Variants in DIS3 observed in about 807,000 individuals in gnomAD.
The protein encoded by DIS3 is DIS3 exosome endoribonuclease and 3'-5' exoribonuclease, also known as exosome complex exonuclease RRP44.
A neutral mutation model predicts 113.0 loss-of-function variants in DIS3; 103 were observed. The observed-to-expected ratio is 0.91, with a 90% CI of 0.78 to 1.07. The LOEUF (loss-of-function observed/expected upper bound fraction) is 1.07, where lower values mean the gene tolerates loss of function less well. Ranked by LOEUF, DIS3 falls within the 50% of genes least tolerant of loss-of-function variation. The pLI is 0.00. For missense variants in DIS3, 1,121 were observed against 1,167.1 expected (o/e 0.96, Z 0.58); for synonymous variants, 402 against 394.3 (o/e 1.02, Z -0.23).
Position 72,774,206 on chromosome 13 carries a change from T to C in DIS3, c.988-147A>G, listed in dbSNP as rs553709821. On this transcript the variant is annotated intron_variant, in intron 6 of 20. Transcript: ENST00000377767. ...ACTACAGAATGTTGATGTTTCAACA[T>C]TCTAGACAAGAACATGCATGCCAAA... is the stretch of plus-strand genomic sequence containing the variant. 5.9e-4 allele frequency: 316 copies of C among 537,424 alleles called. 5 individuals are homozygous for C. The highest frequency in any genetic ancestry group is 5.8e-5 in the Non-Finnish European group (18 of 312,116). The allele number at this position is 537,424 out of a possible 1,614,324, so 33.3% of individuals were successfully genotyped here.
Position 72,755,860 on chromosome 13 carries a change from G to A in DIS3, c.*3935C>T, listed in dbSNP as rs1333584292. 7.5e-6 allele frequency: 3 copies of A among 398,404 alleles called. No homozygotes were observed. Among genetic ancestry groups the A allele is most frequent in the African/African-American group, 2.1e-5 (1 of 48,590 alleles). 24.7% of individuals were successfully genotyped at this position (398,404 alleles called of 1,614,324 possible). ...ATTGTTATCTATGGGGCAAATGTGT[G>A]GTGCCCAGAATAAAATATACCTCAT... On this transcript the variant is annotated 3_prime_UTR_variant, in exon 21 of 21. Coordinates refer to ENST00000377767, the MANE Select transcript of DIS3 (RefSeq NM_014953.5).
At position 72,778,299 on chromosome 13, in the gene DIS3, G is replaced by T. The variant is rs1319486155; in HGVS notation, c.468C>A (p.Tyr156Ter). 1.2e-6 allele frequency: 2 copies of T among 1,605,672 alleles called. No individual in the cohort carries two copies. Among genetic ancestry groups the T allele is most frequent in the Non-Finnish European group, 1.7e-6 (2 of 1,173,958 alleles). Reference protein sequence around the residue: ...DRAIRVAAKWYNEHLKKMSAD... With the variant: ...DRAIRVAAKW ...CTGACATTTTTTTCAAATGTTCATTGTACCATTTTGCTGCTACTCGAATCG... is the reference window on the plus strand; with the variant it reads ...CTGACATTTTTTTCAAATGTTCATTTTACCATTTTGCTGCTACTCGAATCG... The change falls in exon 3 of 21, where the codon TAC (tyrosine) becomes TAA (stop). Residue 156 changes from tyrosine to a stop codon, truncating the protein, a stop_gained. Coordinates refer to ENST00000377767, the MANE Select transcript of DIS3 (RefSeq NM_014953.5). LOFTEE classifies it high-confidence loss of function.
At chr13:72,772,042 T>A in intron 10 of DIS3, 117 bp downstream of exon 10, 1 of 1,193,312 alleles carries the variant, frequency 8.4e-7, no homozygotes, top group Middle Eastern at 2.1e-4. Flanking sequence ...GCCAATAGCG[T>A]GCAGCTACAA....
At chr13:72,767,480 A>G (rs1013200799) in intron 14 of DIS3, among the ~76,000 whole-genome samples, 2 of 152,198 alleles carry the variant, frequency 1.3e-5, no homozygotes, top group African/African-American at 4.8e-5. Context: ...GTTTAATAGT[A>G]TCCACTGGGT....
rs772948586 is a variant in DIS3, at chr13:72,777,347, G to T, written c.654+73C>A. On this transcript the variant is annotated intron_variant, in intron 4 of 20. Transcript: ENST00000377767. ...ACCGACATTCCAATTTTTAAATTTG[G>T]TAACTATATGCCTAATATTCCAAAG... 6.8e-5 allele frequency: 97 copies of T among 1,434,440 alleles called. 1 individual carries two copies. The highest frequency in any genetic ancestry group is 3.3e-4 in the Admixed American group (17 of 51,642). 88.9% of individuals were successfully genotyped at this position (1,434,440 alleles called of 1,614,324 possible). A position where few individuals can be genotyped will look rare whatever the true frequency, so the allele number is the denominator to read the frequency against.
chr13:72,761,294 G>A (rs2033616457), intron 19 of DIS3, 69 bp downstream of exon 19: 1 of 1,534,376 alleles, frequency 6.5e-7, no homozygotes, highest in East Asian at 2.3e-5. Context: ...TGCTTTATAG[G>A]TACCATTTAT....
chr13:72,774,424 T>C (rs1171579459), intron 6 of DIS3, among the ~76,000 whole-genome samples: 1 of 152,122 alleles, frequency 6.6e-6, no homozygotes, highest in African/African-American at 2.4e-5. Context: ...TTTGTACAAA[T>C]TAGCTATGTG....
chr13:72,763,446 C>T lies in DIS3; in HGVS notation c.2127+5G>A. 6.2e-7 allele frequency: 1 copy of T among 1,610,626 alleles called. No individual in the cohort carries two copies. The highest frequency in any genetic ancestry group is 8.5e-7 in the Non-Finnish European group (1 of 1,178,908). On this transcript the variant is annotated splice_donor_5th_base_variant and intron_variant, in intron 16 of 20. Coordinates refer to ENST00000377767, the MANE Select transcript of DIS3 (RefSeq NM_014953.5). ...TAGATGATTTTTCAAACTGTAGGAC[C>T]TTACCCTTGACCTGGCTGCCTTAAC...
At chr13:72,780,751 A>C in intron 2 of DIS3, 95 bp downstream of exon 2, 1 of 1,175,536 alleles carries the variant, frequency 8.5e-7, no homozygotes, top group Non-Finnish European at 1.2e-6. Flanking sequence ...TCTATCACTT[A>C]TCTTCTGACA....
At position 72,768,955 on chromosome 13, in the gene DIS3, G is replaced by T. The variant is rs537246510; in HGVS notation, c.1756-43C>A. 1.2e-5 allele frequency: 17 copies of T among 1,411,344 alleles called. No individual in the cohort carries two copies. In the African/African-American group the frequency reaches 1.6e-4, roughly 13 times the overall value. 87.4% of individuals were successfully genotyped at this position (1,411,344 alleles called of 1,614,324 possible). A position where few individuals can be genotyped will look rare whatever the true frequency, so the allele number is the denominator to read the frequency against. On this transcript the variant is annotated intron_variant, in intron 13 of 20. Transcript: ENST00000377767. ...TGTTATATAATTCTTATAAATGATA[G>T]AAAAATGGTTTTCAATATGTCCTCC...
At chr13:72,762,933 G>C (rs1355945676) in intron 16 of DIS3, among the ~76,000 whole-genome samples, 6 of 152,164 alleles carry the variant, frequency 3.9e-5, no homozygotes, top group Admixed American at 1.3e-4. Flanking sequence ...ACATGGAAGA[G>C]TTTTATATGA....
chr13:72,776,225 C>A, intron 4 of DIS3, 133 bp from the exon 5 acceptor site: 1 of 851,728 alleles, frequency 1.2e-6, no homozygotes, highest in South Asian at 2.7e-5. Flanking sequence ...GAGAAGATAG[C>A]AGTGTTTCTT....
rs769194741 is a variant in DIS3, at chr13:72,770,903, C to A, written c.1755+1G>T. ...TAGAGATTAATAGCCATGAAACGAA[C>A]CTTTGAATTAATAACACTTTTGGTA... is the stretch of plus-strand genomic sequence containing the variant. On this transcript the variant is annotated splice_donor_variant, in intron 13 of 20. Transcript: ENST00000377767. LOFTEE classifies it high-confidence loss of function. 1.3e-5 allele frequency: 20 copies of A among 1,590,544 alleles called. No individual in the cohort carries two copies. The highest frequency in any genetic ancestry group is 1.7e-5 in the Non-Finnish European group (20 of 1,167,244).
chr13:72,768,855 C>T lies in DIS3; in HGVS notation c.1813G>A (p.Asp605Asn), dbSNP rs1159811001. 1.2e-6 allele frequency: 2 copies of T among 1,607,676 alleles called. No homozygotes were observed. The highest frequency in any genetic ancestry group is 1.7e-5 in the Admixed American group (1 of 59,952). ...LRIDSANMND[D>N]ITTSLRGLNK... The stretch of plus-strand genomic sequence containing the variant: ...AGTCCACGGAGACTAGTGGTAATAT[C>T]ATCATTCATGTTTGCTGAATCAATT... The change falls in exon 14 of 21, where the codon GAT becomes AAT. Residue 605 changes from aspartate (D) to asparagine (N), a missense_variant. Physicochemically the swap from Asp to Asn is conservative, Grantham distance 23. Transcript: ENST00000377767.
chr13:72,780,333 A>AG (rs1473537640), intron 2 of DIS3, among the ~76,000 whole-genome samples: 1 of 150,714 alleles, frequency 6.6e-6, no homozygotes, highest in Non-Finnish European at 1.5e-5. Context: ...CTCAAAAAAA[A>AG]AAAAAAAAAA....
At chr13:72,773,592 C>A in intron 8 of DIS3, 92 bp downstream of exon 8, 2 of 1,375,594 alleles carry the variant, frequency 1.5e-6, no homozygotes, top group Non-Finnish European at 2.0e-6. Flanking sequence ...ACAAATTCTA[C>A]ATAAAAGTAG....
At position 72,754,314 on chromosome 13, in the gene DIS3, C is replaced by CT. The variant is rs531119727; in HGVS notation, c.*5480dup. On this transcript the variant is annotated 3_prime_UTR_variant, in exon 21 of 21. Coordinates refer to ENST00000377767, the MANE Select transcript of DIS3 (RefSeq NM_014953.5). ...GCCTTGTATGCCGTTTCTTTTTTTT[C>CT]TTTTTTTTTTTTTTTGAGACAGGGT... 0.076 allele frequency: 10,734 copies of CT among 141,016 alleles called. 945 individuals are homozygous for CT. The highest frequency in any genetic ancestry group is 0.21 in the African/African-American group (7,692 of 37,060). 8.7% of individuals were successfully genotyped at this position (141,016 alleles called of 1,614,324 possible). A position where few individuals can be genotyped will look rare whatever the true frequency, so the allele number is the denominator to read the frequency against.
rs1342565204 is a variant in DIS3 at position 72,758,059 on chromosome 13, G to C, written c.*1736C>G. On this transcript the variant is annotated 3_prime_UTR_variant, in exon 21 of 21. Transcript: ENST00000377767. The stretch of plus-strand genomic sequence containing the variant: ...CTTCCAGTCCTGCCAACTTGTTCAT[G>C]GTAAATGTCCTAAATAGGTGTACCA... 1 of 190,076 alleles carries C rather than the reference G, an allele frequency of 5.3e-6. No homozygotes were observed. The highest frequency in any genetic ancestry group is 1.1e-5 in the Non-Finnish European group (1 of 90,700). 11.8% of individuals were successfully genotyped at this position (190,076 alleles called of 1,614,324 possible). A position where few individuals can be genotyped will look rare whatever the true frequency, so the allele number is the denominator to read the frequency against.
chr13:72,773,492 A>C (rs1276484365), intron 8 of DIS3, among the ~76,000 whole-genome samples, 192 bp downstream of exon 8: 2 of 152,138 alleles, frequency 1.3e-5, no homozygotes, highest in East Asian at 3.9e-4. Flanking sequence ...AAAGTAACCA[A>C]ATGATTTACA....
Sources: allele counts gnomAD v4.1 joint callset (sites outside exome capture counted in the v4.1 genomes callset), GRCh38; gene constraint gnomAD v4.1.1; transcripts MANE v1.5; gene names NCBI Gene and HGNC (gene_info 2026-07-23, HGNC 2026-07-21).